ALDH1L1: variants seen among roughly 807,000 people sequenced by gnomAD.
The protein encoded by ALDH1L1 is cytosolic 10-formyltetrahydrofolate dehydrogenase.
Under a neutral mutation model 101.1 loss-of-function variants are expected in ALDH1L1, and 68 were observed. That is an observed-to-expected ratio of 0.67 (90% confidence interval 0.55 to 0.82). The LOEUF (loss-of-function observed/expected upper bound fraction) is 0.82. Ranked by LOEUF, ALDH1L1 falls within the 40% of genes least tolerant of loss-of-function variation. The probability of loss-of-function intolerance (pLI) is 0.00; values close to 1 mark genes in which losing one functional copy is unlikely to be tolerated. For synonymous variants in ALDH1L1, 486 were observed against 470.8 expected (o/e 1.03, Z -0.42); for missense variants, 1,087 against 1,172.7 (o/e 0.93, Z 1.07).
chr3:126,183,570 A>G (rs371173888), upstream of ALDH1L1, among the ~76,000 whole-genome samples: 2 of 152,146 alleles, frequency 1.3e-5, no homozygotes, highest in East Asian at 3.9e-4. Context: ...AGTCCTATTC[A>G]AGAGACTTTC....
chr3:126,180,885 T>C (rs2081464671), upstream of ALDH1L1: 8 of 1,585,682 alleles, frequency 5.0e-6, no homozygotes, highest in Admixed American at 3.6e-5. Context: ...CAAGGCTAAG[T>C]GGGTCAGAGG....
intron 16 of ALDH1L1, among the ~76,000 whole-genome samples, chr3:126,120,168 C>T (rs1036367239): frequency 1.3e-5 from 2 of 152,330 alleles, no homozygotes; most frequent in East Asian, 1.9e-4. Flanking sequence ...CACACCAAAA[C>T]CTGCACACGA....
intron 9 of ALDH1L1, among the ~76,000 whole-genome samples, chr3:126,143,935 A>T (rs891965825): frequency 3.3e-5 from 5 of 152,216 alleles, no homozygotes; most frequent in Non-Finnish European, 5.9e-5. Context: ...GAGCAAGACC[A>T]TGTCTAAAAA....
intron 12 of ALDH1L1, 70 bp from the exon 13 acceptor site, chr3:126,131,604 C>T (rs1350069445): frequency 2.0e-6 from 3 of 1,521,472 alleles, no homozygotes; most frequent in Non-Finnish European, 2.7e-6. Context: ...TCACAAGGCC[C>T]TTCTTCAAGG....
chr3:126,150,823 G>T lies in ALDH1L1; in HGVS notation c.859-292C>A, dbSNP rs144957269. 1,635 of 294,650 alleles carry T rather than the reference G, an allele frequency of 5.5e-3. 12 individuals carry two copies. Among genetic ancestry groups the T allele is most frequent in the Non-Finnish European group, 8.9e-3 (1,352 of 152,062 alleles). The allele number at this position is 294,650 out of a possible 1,614,324, so 18.3% of individuals were successfully genotyped here. ...TCCATCCACCTTGGCCTCCCAAAGTGCTGGGATTACAGGCATGAGCCACTG... is the reference window on the plus strand; with the variant it reads ...TCCATCCACCTTGGCCTCCCAAAGTTCTGGGATTACAGGCATGAGCCACTG... On this transcript the variant is annotated intron_variant, in intron 7 of 22. Transcript: ENST00000393434.
chr3:126,192,520 A>T (rs2081558789), intron 1 of ALDH1L1, among the ~76,000 whole-genome samples: 1 of 152,224 alleles, frequency 6.6e-6, no homozygotes. Flanking sequence ...GGAGAGCACA[A>T]CAGATCTCGT....
intron 1 of ALDH1L1, among the ~76,000 whole-genome samples, chr3:126,177,557 G>A (rs1214266753): frequency 1.3e-5 from 2 of 151,930 alleles, no homozygotes; most frequent in African/African-American, 4.8e-5. Context: ...AGGTAGGGGG[G>A]TTGGGGGGTG....
At chr3:126,168,092 A>G (rs2081203047) in intron 1 of ALDH1L1, among the ~76,000 whole-genome samples, 1 of 152,176 alleles carries the variant, frequency 6.6e-6, no homozygotes, top group African/African-American at 2.4e-5. Context: ...ATTTTGCTGA[A>G]GAATAATAAA....
chr3:126,163,866 G>A (rs938663564), intron 1 of ALDH1L1, among the ~76,000 whole-genome samples: 23 of 152,232 alleles, frequency 1.5e-4, no homozygotes, highest in African/African-American at 4.8e-4. Flanking sequence ...AGTCCCAGTC[G>A]CTCATGACTG....
chr3:126,130,759 CAG>C (rs1295121942), intron 13 of ALDH1L1, among the ~76,000 whole-genome samples: 1 of 152,200 alleles, frequency 6.6e-6, no homozygotes, highest in Non-Finnish European at 1.5e-5. Flanking sequence ...TCTGATCTGG[CAG>C]AGACGCCATG....
upstream of ALDH1L1, among the ~76,000 whole-genome samples, chr3:126,182,693 A>G (rs2081487573): frequency 6.6e-6 from 1 of 152,182 alleles, no homozygotes; most frequent in African/African-American, 2.4e-5. Context: ...GACAGGAACC[A>G]CTGAACAATG....
intron 16 of ALDH1L1, among the ~76,000 whole-genome samples, chr3:126,123,750 T>C (rs772031587): frequency 1.6e-4 from 24 of 152,068 alleles, no homozygotes; most frequent in Non-Finnish European, 3.2e-4. Context: ...GAGCTGTATT[T>C]GATTTTTTTA....
At position 126,131,459 on chromosome 3, in the gene ALDH1L1, C is replaced by T. The variant is rs201603474; in HGVS notation, c.1548G>A (p.Thr516=). 17 of 1,613,454 alleles carry T rather than the reference C, an allele frequency of 1.1e-5. No homozygotes were observed. Among genetic ancestry groups the T allele is most frequent in the Middle Eastern group, 1.7e-4 (1 of 6,058 alleles). Residue 516 remains threonine, a synonymous_variant, in exon 13 of 23, where the codon ACG becomes ACA. Coordinates refer to ENST00000393434, the MANE Select transcript of ALDH1L1 (RefSeq NM_012190.4). The stretch of plus-strand genomic sequence containing the variant: ...TGCCCACGTGGGTCTTCAGGGCCAG[C>T]GTGTAGACGGCACCCGCATCCAGGG... ...IEALDAGAVY[T]LALKTHVGMS...
chr3:126,112,686 C>T (rs1289845772), intron 19 of ALDH1L1, 96 bp downstream of exon 19: 1 of 1,239,780 alleles, frequency 8.1e-7, no homozygotes, highest in Non-Finnish European at 1.2e-6. Flanking sequence ...CCCAGCCTCA[C>T]TTGACCCTGC....
At chr3:126,194,490 A>G (rs1042724686) in intron 1 of ALDH1L1, among the ~76,000 whole-genome samples, 6 of 152,244 alleles carry the variant, frequency 3.9e-5, no homozygotes, top group Non-Finnish European at 8.8e-5. Flanking sequence ...CAGTTTAACC[A>G]TGAGGTGAGA....
At chr3:126,173,618 A>C (rs2081321752) in intron 1 of ALDH1L1, among the ~76,000 whole-genome samples, 2 of 152,256 alleles carry the variant, frequency 1.3e-5, no homozygotes, top group African/African-American at 4.8e-5. Flanking sequence ...AAATCACTTC[A>C]AATATCAATG....
chr3:126,152,750 T>C (rs1259246964), intron 7 of ALDH1L1: 2 of 159,452 alleles, frequency 1.3e-5, no homozygotes, highest in East Asian at 1.9e-4. Context: ...ATCACGGCTT[T>C]GGAGCCAGAA....
rs941387376 is a variant in ALDH1L1, at chr3:126,180,107, C to A, written c.-24+369G>T. 105 of 152,514 alleles carry A rather than the reference C, an allele frequency of 6.9e-4. 1 individual carries two copies. Among genetic ancestry groups the A allele is most frequent in the Non-Finnish European group, 7.0e-4 (48 of 68,216 alleles). The allele number at this position is 152,514 out of a possible 1,614,324, so 9.4% of individuals were successfully genotyped here. On this transcript the variant is annotated intron_variant, in intron 1 of 22. Coordinates refer to ENST00000393434, the MANE Select transcript of ALDH1L1 (RefSeq NM_012190.4). Reference sequence around the variant, plus strand: ...AAATCATCGCGTCGCCTTCGCTGGTCCCTTTCTCTTATCGAGCCTCAGTTT... The same window carrying A: ...AAATCATCGCGTCGCCTTCGCTGGTACCTTTCTCTTATCGAGCCTCAGTTT...
At chr3:126,170,274 G>A (rs1441583854) in intron 1 of ALDH1L1, among the ~76,000 whole-genome samples, 2 of 152,034 alleles carry the variant, frequency 1.3e-5, no homozygotes, top group Non-Finnish European at 2.9e-5. Context: ...ACTATTTGCA[G>A]TAGGACTGTG....
Sources: gnomAD v4.1 joint callset for allele counts (sites outside exome capture counted in the v4.1 genomes callset) on GRCh38, gnomAD v4.1.1 for gene constraint, MANE v1.5 for transcripts, NCBI Gene and HGNC (gene_info 2026-07-23, HGNC 2026-07-21) for gene names.